Variants in KYAT1 observed in about 807,000 individuals in gnomAD.
KYAT1 encodes the protein kynurenine aminotransferase 1.
Under a neutral mutation model 52.4 loss-of-function variants are expected in KYAT1, and 47 were observed. That is an observed-to-expected ratio of 0.90 (90% CI 0.71 to 1.14). The LOEUF is 1.14. Among genes scored for constraint, KYAT1 ranks in the 50% most tolerant of loss-of-function variants. The pLI, the probability that KYAT1 is intolerant of heterozygous loss-of-function variation, is 0.00. For missense variants in KYAT1, 480 were observed against 557.9 expected (o/e 0.86, Z 1.41); for synonymous variants, 212 against 209.6 (o/e 1.01, Z -0.10).
intron 1 of KYAT1, among the ~76,000 whole-genome samples, chr9:128,874,977 G>T (rs1236524439): frequency 6.7e-6 from 1 of 149,102 alleles, no homozygotes; most frequent in Non-Finnish European, 1.5e-5. Context: ...TGCCCACCTC[G>T]GCCTCCCAAA....
chr9:128,875,360 T>C (rs1349517515), intron 1 of KYAT1, among the ~76,000 whole-genome samples: 1 of 149,400 alleles, frequency 6.7e-6, no homozygotes, highest in Non-Finnish European at 1.5e-5. Flanking sequence ...ACGCCTGTAA[T>C]CCCAGCACTT....
chr9:128,844,001 T>C (rs1181394505), intron 2 of KYAT1, among the ~76,000 whole-genome samples: 1 of 152,194 alleles, frequency 6.6e-6, no homozygotes, highest in Non-Finnish European at 1.5e-5. Context: ...CCAGCCTTTC[T>C]ACTTCCATCT....
chr9:128,856,615 A>G (rs1414611107), intron 1 of KYAT1, among the ~76,000 whole-genome samples: 1 of 152,178 alleles, frequency 6.6e-6, no homozygotes, highest in East Asian at 1.9e-4. Flanking sequence ...GCTCACAAAA[A>G]CATGTGTTGT....
intron 1 of KYAT1, 121 bp from the exon 2 acceptor site, chr9:128,845,532 G>T: frequency 1.1e-6 from 1 of 904,780 alleles, no homozygotes. Flanking sequence ...TCCCAGGAGG[G>T]GGAAGAGATA....
intron 1 of KYAT1, among the ~76,000 whole-genome samples, chr9:128,853,378 C>T (rs1288993696): frequency 6.6e-6 from 1 of 152,022 alleles, no homozygotes; most frequent in South Asian, 2.1e-4. Context: ...TAAACTGGGC[C>T]AAAAGAACAA....
chr9:128,858,993 CAA>C (rs61541653), intron 1 of KYAT1, among the ~76,000 whole-genome samples: 15 of 75,416 alleles, frequency 2.0e-4, no homozygotes, highest in Admixed American at 3.0e-4. Context: ...GACTCCATCT[CAA>C]AAAAAAAAAA....
At chr9:128,839,111 G>A (rs970756835) in intron 3 of KYAT1, among the ~76,000 whole-genome samples, 7 of 151,804 alleles carry the variant, frequency 4.6e-5, no homozygotes, top group South Asian at 2.1e-4. Flanking sequence ...CTACAGGCAC[G>A]CACCACCATG....
intron 1 of KYAT1, among the ~76,000 whole-genome samples, chr9:128,877,847 A>G (rs754020968): frequency 6.6e-6 from 1 of 152,226 alleles, no homozygotes; most frequent in Non-Finnish European, 1.5e-5. Context: ...GGAGACTCCC[A>G]GTTACTGAGA....
At chr9:128,839,243 T>C (rs1312321884) in intron 3 of KYAT1, among the ~76,000 whole-genome samples, 1 of 152,098 alleles carries the variant, frequency 6.6e-6, no homozygotes, top group Non-Finnish European at 1.5e-5. Context: ...GGATTACAGA[T>C]GTGAGCCACC....
intron 1 of KYAT1, among the ~76,000 whole-genome samples, chr9:128,878,372 C>T (rs1241204309): frequency 3.9e-5 from 6 of 152,128 alleles, no homozygotes; most frequent in Non-Finnish European, 5.9e-5. Context: ...TGAGCTCAAG[C>T]GATAGTCCCA....
intron 1 of KYAT1, among the ~76,000 whole-genome samples, chr9:128,865,120 G>A (rs1043536416): frequency 6.8e-6 from 1 of 147,642 alleles, no homozygotes; most frequent in African/African-American, 2.5e-5. Flanking sequence ...CAGCTACTCG[G>A]GAGGCTGAGG....
In KYAT1 at chr9:128,855,106, A is replaced by T. The variant is rs1350770008; in HGVS notation, c.-6-9695T>A. Among the ~76,000 whole-genome samples the T allele has an allele frequency of 2.0e-5, 3 of 152,346 alleles. No homozygotes were observed. In the East Asian group the frequency reaches 5.8e-4, roughly 29 times the overall value. ...TTCCCAAAGAATCAAAAGACCCAGAAGTCTTAGTTTGGGAAAAATATGTGG... is the reference window on the plus strand; with the variant it reads ...TTCCCAAAGAATCAAAAGACCCAGATGTCTTAGTTTGGGAAAAATATGTGG... On this transcript the variant is annotated intron_variant, in intron 1 of 12. Coordinates refer to ENST00000302586, the MANE Select transcript of KYAT1 (RefSeq NM_004059.5).
At chr9:128,844,593 G>A (rs1487030750) in intron 2 of KYAT1, among the ~76,000 whole-genome samples, 1 of 152,052 alleles carries the variant, frequency 6.6e-6, no homozygotes, top group Non-Finnish European at 1.5e-5. Flanking sequence ...GGGAGGCTGA[G>A]GCAGGAGAAT....
chr9:128,865,747 G>A lies in KYAT1; in HGVS notation c.-7+16150C>T, dbSNP rs1200071044. On this transcript the variant is annotated intron_variant, in intron 1 of 12. Coordinates refer to ENST00000302586, the MANE Select transcript of KYAT1 (RefSeq NM_004059.5). ...GATGCATGGATGCTCAATGGGAAAT[G>A]AGAGAATTTGGTCCAGTGGCTCACA... Among the ~76,000 whole-genome samples the A allele has an allele frequency of 2.0e-5, 3 of 152,120 alleles. No individual in the cohort carries two copies. The East Asian group carries it at 5.8e-4, about 29-fold the overall frequency.
At chr9:128,851,565 G>C (rs1275709880) in intron 1 of KYAT1, among the ~76,000 whole-genome samples, 1 of 152,098 alleles carries the variant, frequency 6.6e-6, no homozygotes, top group African/African-American at 2.4e-5. Context: ...AATTGGCAAG[G>C]AATTAAAACA....
chr9:128,837,936 C>T, intron 5 of KYAT1, 115 bp downstream of exon 5: 1 of 1,485,890 alleles, frequency 6.7e-7, no homozygotes, highest in Admixed American at 1.7e-5. Flanking sequence ...TCTGCCCTCC[C>T]AGCTTAGAGG....
At chr9:128,833,707 TGAG>T (rs767790488) in intron 12 of KYAT1, 30 bp downstream of exon 12, 3 of 1,613,742 alleles carry the variant, frequency 1.9e-6, no homozygotes, top group Non-Finnish European at 2.5e-6. Flanking sequence ...GGAAGCTCTG[TGAG>T]GTCTTTCCTC....
At chr9:128,865,342 TATATATATATATATA>T (rs1836165236) in intron 1 of KYAT1, among the ~76,000 whole-genome samples, 3 of 6,380 alleles carry the variant, frequency 4.7e-4, no homozygotes, top group East Asian at 5.0e-3. Context: ...TATATATATA[TATATATATATATATA>T]TATTTTTTTT....
intron 1 of KYAT1, among the ~76,000 whole-genome samples, chr9:128,869,815 G>A (rs963002044): frequency 2.6e-5 from 4 of 150,992 alleles, no homozygotes; most frequent in African/African-American, 4.9e-5. Context: ...GTGCAGAGGC[G>A]TGATCTTAGC....
Sources: gnomAD v4.1 joint callset for allele counts (sites outside exome capture counted in the v4.1 genomes callset) on GRCh38, gnomAD v4.1.1 for gene constraint, MANE v1.5 for transcripts, NCBI Gene and HGNC (gene_info 2026-07-23, HGNC 2026-07-21) for gene names.